The following DPP10 variants were observed in gnomAD, a reference collection of about 807,000 sequenced individuals.
DPP10 encodes inactive dipeptidyl peptidase 10.
Under a neutral mutation model 120.9 loss-of-function variants are expected in DPP10, and 33 were observed. The ratio of observed to expected loss-of-function variants is 0.27; its 90% confidence interval spans 0.21 to 0.37. The LOEUF is 0.37. DPP10 is among the 10% of genes least tolerant of loss of function. The pLI is 1.00. For synonymous variants in DPP10, 337 were observed against 326.1 expected, an observed-to-expected ratio of 1.03 and a Z score of -0.36; for missense variants, 816 against 942.8, an observed-to-expected ratio of 0.87 and a Z score of 1.76.
At chr2:115,177,030 T>G (rs1178335542) in intron 1 of DPP10, among the ~76,000 whole-genome samples, 7 of 152,240 alleles carry the variant, frequency 4.6e-5, no homozygotes, top group Non-Finnish European at 1.0e-4. Flanking sequence ...AAAAAGTCAC[T>G]CTTTATTGTC....
chr2:115,493,924 A>G (rs1421128655), intron 3 of DPP10, among the ~76,000 whole-genome samples: 1 of 151,990 alleles, frequency 6.6e-6, no homozygotes, highest in Non-Finnish European at 1.5e-5. Flanking sequence ...GAACAGAGAA[A>G]AACACCAGAC....
At chr2:115,074,044 C>T (rs1336339533) in intron 1 of DPP10, among the ~76,000 whole-genome samples, 1 of 152,160 alleles carries the variant, frequency 6.6e-6, no homozygotes, top group Non-Finnish European at 1.5e-5. Flanking sequence ...TAGAGTCTTG[C>T]TCTGTTTTCC....
At chr2:114,450,380 A>G (rs1678194403) in intron 1 of DPP10, among the ~76,000 whole-genome samples, 1 of 151,748 alleles carries the variant, frequency 6.6e-6, no homozygotes, top group Middle Eastern at 3.2e-3. Flanking sequence ...AGTTATAATT[A>G]TTTGTTTCCA....
intron 5 of DPP10, 91 bp from the exon 6 acceptor site, chr2:115,689,596 C>G: frequency 1.1e-6 from 1 of 876,282 alleles, no homozygotes; most frequent in Non-Finnish European, 1.7e-6. Flanking sequence ...AACACCAATT[C>G]TTGGATTACC....
intron 1 of DPP10, among the ~76,000 whole-genome samples, chr2:114,901,364 A>G (rs1410243595): frequency 1.3e-5 from 2 of 151,904 alleles, no homozygotes; most frequent in African/African-American, 4.8e-5. Context: ...CACCTGGCTA[A>G]TTTTTGTATT....
At chr2:114,734,189 A>G (rs527292790) in intron 1 of DPP10, among the ~76,000 whole-genome samples, 4 of 152,282 alleles carry the variant, frequency 2.6e-5, no homozygotes, top group Admixed American at 6.5e-5. Flanking sequence ...CCCACATTCT[A>G]TAGAGAATTC....
chr2:115,421,869 CAAAAAAAAA>C (rs10610510), intron 3 of DPP10, among the ~76,000 whole-genome samples: 1 of 46,884 alleles, frequency 2.1e-5, no homozygotes, highest in Non-Finnish European at 3.4e-5. Context: ...GACTCCATCT[CAAAAAAAAA>C]AAAAAAAAAA....
At chr2:115,161,247 C>G (rs967148851) in intron 1 of DPP10, 2 of 152,324 alleles carry the variant, frequency 1.3e-5, no homozygotes, top group South Asian at 4.1e-4. Context: ...CCTCGGGTCC[C>G]GACAGGTGTT....
chr2:115,030,246 T>C (rs1327139006), intron 1 of DPP10, among the ~76,000 whole-genome samples: 1 of 152,150 alleles, frequency 6.6e-6, no homozygotes, highest in Admixed American at 6.5e-5. Context: ...TGATGTTTGA[T>C]ACATTTTATT....
chr2:114,705,310 A>G (rs569169935), intron 1 of DPP10, among the ~76,000 whole-genome samples: 10 of 152,274 alleles, frequency 6.6e-5, no homozygotes, highest in African/African-American at 2.4e-4. Flanking sequence ...ATGTACTATA[A>G]ATTTATCTTA....
chr2:115,679,478 A>C (rs1177689239), intron 5 of DPP10, among the ~76,000 whole-genome samples: 2 of 152,108 alleles, frequency 1.3e-5, no homozygotes, highest in Non-Finnish European at 2.9e-5. Context: ...AAGTTTCCTG[A>C]GGCCTTCCCA....
chr2:115,088,768 A>AAAAAAAC lies in DPP10; in HGVS notation c.61-220470_61-220469insAAAAACA, dbSNP rs775985067. Among the ~76,000 whole-genome samples, 101 of 134,848 alleles carry AAAAAAAC rather than the reference A, an allele frequency of 7.5e-4. 1 individual carries two copies. The highest frequency in any genetic ancestry group is 1.9e-3 in the African/African-American group (74 of 38,146). The allele number at this position is 134,848 out of a possible 152,430, so 88.5% of individuals were successfully genotyped here. On this transcript the variant is annotated intron_variant, in intron 1 of 25. Transcript: ENST00000410059. ...TGCCTGACAAAAAAAAAAAAAAAAA[A>AAAAAAAC]ACCAAAAAACAAAAAAAACCTTAAA...
chr2:114,601,078 C>A (rs559396194), intron 1 of DPP10, among the ~76,000 whole-genome samples: 1 of 151,928 alleles, frequency 6.6e-6, no homozygotes, highest in Admixed American at 6.6e-5. Context: ...CTGTTAGAAA[C>A]TTTTTCAGAC....
rs1210201263 is a variant in DPP10, at chr2:115,317,773, A to G, written c.175+8420A>G. Among the ~76,000 whole-genome samples the G allele has an allele frequency of 3.3e-5, 5 of 151,894 alleles. No homozygotes were observed. In the East Asian group the frequency reaches 7.7e-4, roughly 24 times the overall value. Reference sequence around the variant, plus strand: ...TATTGGCCATTTATATATCTTCTTTAAAGATAGATCTATTTAAGCCTGTTG... The same window carrying G: ...TATTGGCCATTTATATATCTTCTTTGAAGATAGATCTATTTAAGCCTGTTG... On this transcript the variant is annotated intron_variant, in intron 2 of 25. Coordinates refer to ENST00000410059, the MANE Select transcript of DPP10 (RefSeq NM_020868.6).
At chr2:114,653,624 G>A (rs1696768866) in intron 1 of DPP10, among the ~76,000 whole-genome samples, 1 of 152,058 alleles carries the variant, frequency 6.6e-6, no homozygotes, top group Non-Finnish European at 1.5e-5. Context: ...CCTCCAAAGG[G>A]GACTTCTGCA....
At chr2:114,977,689 C>T (rs1049571571) in intron 1 of DPP10, among the ~76,000 whole-genome samples, 2 of 152,110 alleles carry the variant, frequency 1.3e-5, no homozygotes, top group Non-Finnish European at 2.9e-5. Flanking sequence ...GTAAAATCCT[C>T]CAATCTCAAG....
chr2:115,661,805 T>C (rs994265336), intron 5 of DPP10, among the ~76,000 whole-genome samples: 17 of 152,200 alleles, frequency 1.1e-4, no homozygotes, highest in Admixed American at 6.5e-5. Flanking sequence ...TATGAAACAC[T>C]CAATTACCAC....
chr2:115,044,942 G>A (rs1390380361), intron 1 of DPP10, among the ~76,000 whole-genome samples: 1 of 152,130 alleles, frequency 6.6e-6, no homozygotes, highest in African/African-American at 2.4e-5. Context: ...TGTTGCAAAT[G>A]ACAGGATCTC....
chr2:115,559,701 A>C (rs899852812), intron 5 of DPP10, among the ~76,000 whole-genome samples: 8 of 152,152 alleles, frequency 5.3e-5, no homozygotes, highest in African/African-American at 1.9e-4. Flanking sequence ...AATTATGTGC[A>C]ACCTGATTGA....
Sources: gnomAD v4.1 joint callset for allele counts (sites outside exome capture counted in the v4.1 genomes callset) on GRCh38, gnomAD v4.1.1 for gene constraint, MANE v1.5 for transcripts, NCBI Gene and HGNC (gene_info 2026-07-23, HGNC 2026-07-21) for gene names.